LRRTM4: variants seen among roughly 807,000 people sequenced by gnomAD.
LRRTM4 encodes leucine-rich repeat transmembrane neuronal protein 4.
In LRRTM4, 25 loss-of-function variants were observed where a neutral mutation model predicts 47.6. That is an observed-to-expected ratio of 0.53 (90% CI 0.38 to 0.73). The LOEUF (loss-of-function observed/expected upper bound fraction) is 0.73. LRRTM4 is among the 30% of genes least tolerant of loss of function. LRRTM4 has a pLI of 0.00. For synonymous variants in LRRTM4, 311 were observed against 269.5 expected, an observed-to-expected ratio of 1.15 and a Z score of -1.51; for missense variants, 638 against 713.4, an observed-to-expected ratio of 0.89 and a Z score of 1.20.
rs557748550 is a variant in LRRTM4, at chr2:77,140,948, T to C, written c.1551+377370A>G. ...TACCATCTCACACCAGTTAGAATGG[T>C]GATCATTAAAAAGTCAGGAAACAAC... On this transcript the variant is annotated intron_variant, in intron 3 of 3. Coordinates refer to ENST00000409884, the MANE Select transcript of LRRTM4 (RefSeq NM_001134745.3). Among the ~76,000 whole-genome samples the C allele has an allele frequency of 1.6e-3, 245 of 152,152 alleles. 1 individual carries two copies. Among genetic ancestry groups the C allele is most frequent in the African/African-American group, 4.3e-3 (180 of 41,516 alleles).
At chr2:77,159,944 C>G (rs998288123) in intron 3 of LRRTM4, among the ~76,000 whole-genome samples, 72 of 152,252 alleles carry the variant, frequency 4.7e-4, no homozygotes, top group African/African-American at 1.7e-3. Flanking sequence ...TGTGTAATGT[C>G]AATTGTTTTC....
chr2:76,940,880 CTT>C (rs1172495464), intron 3 of LRRTM4, among the ~76,000 whole-genome samples: 1 of 152,128 alleles, frequency 6.6e-6, no homozygotes, highest in Non-Finnish European at 1.5e-5. Flanking sequence ...TCTTCTCTCT[CTT>C]TTCTTTGTTT....
chr2:76,937,962 G>A (rs1675014597), intron 3 of LRRTM4, among the ~76,000 whole-genome samples: 1 of 151,990 alleles, frequency 6.6e-6, no homozygotes, highest in South Asian at 2.1e-4. Flanking sequence ...GGAGCTAAGG[G>A]GAATATAATT....
At chr2:77,401,974 A>T (rs2103838218) in intron 3 of LRRTM4, among the ~76,000 whole-genome samples, 1 of 152,146 alleles carries the variant, frequency 6.6e-6, no homozygotes, top group Admixed American at 6.6e-5. Context: ...GCAATGCTTT[A>T]GGATTGCTTA....
At chr2:77,194,727 A>G (rs779331258) in intron 3 of LRRTM4, among the ~76,000 whole-genome samples, 1 of 151,888 alleles carries the variant, frequency 6.6e-6, no homozygotes, top group Non-Finnish European at 1.5e-5. Flanking sequence ...CCCCTAACCT[A>G]TGGGTAACAG....
At chr2:77,166,391 T>C (rs1672886354) in intron 3 of LRRTM4, among the ~76,000 whole-genome samples, 1 of 152,132 alleles carries the variant, frequency 6.6e-6, no homozygotes, top group African/African-American at 2.4e-5. Flanking sequence ...CCAAGATAAT[T>C]ATAGATTCAA....
intron 3 of LRRTM4, among the ~76,000 whole-genome samples, chr2:77,028,779 T>G (rs1280443050): frequency 2.6e-5 from 4 of 151,834 alleles, no homozygotes; most frequent in African/African-American, 9.7e-5. Context: ...CTCACTCCTG[T>G]AATCCCAGCA....
intron 3 of LRRTM4, among the ~76,000 whole-genome samples, chr2:76,862,622 C>T (rs994510977): frequency 6.6e-6 from 1 of 152,152 alleles, no homozygotes; most frequent in South Asian, 2.1e-4. Context: ...GGGAAAATAT[C>T]TCACACACGC....
chr2:76,821,040 T>C (rs1236145883), intron 3 of LRRTM4, among the ~76,000 whole-genome samples: 1 of 151,738 alleles, frequency 6.6e-6, no homozygotes, highest in Non-Finnish European at 1.5e-5. Context: ...TGCAAGGGTC[T>C]ATATTCCACT....
At chr2:76,846,315 G>A (rs891143428) in intron 3 of LRRTM4, among the ~76,000 whole-genome samples, 9 of 152,122 alleles carry the variant, frequency 5.9e-5, no homozygotes, top group African/African-American at 2.2e-4. Flanking sequence ...AGGTGCCCCA[G>A]GTGTCCTCAC....
chr2:76,785,924 A>G (rs1030994077), intron 3 of LRRTM4, among the ~76,000 whole-genome samples: 5 of 152,170 alleles, frequency 3.3e-5, no homozygotes, highest in Admixed American at 3.3e-4. Context: ...AAAATGAGCC[A>G]TGGGTAGAAA....
At chr2:77,291,852 A>C (rs1676832277) in intron 3 of LRRTM4, among the ~76,000 whole-genome samples, 1 of 152,116 alleles carries the variant, frequency 6.6e-6, no homozygotes, top group South Asian at 2.1e-4. Context: ...ACTGGGATCT[A>C]ATTAAACTAA....
chr2:77,004,495 G>A (rs1677559866), intron 3 of LRRTM4, among the ~76,000 whole-genome samples: 1 of 152,024 alleles, frequency 6.6e-6, no homozygotes. Context: ...CTAGATTTCA[G>A]AGCATGTATG....
At chr2:77,446,302 C>T (rs551834548) in intron 3 of LRRTM4, among the ~76,000 whole-genome samples, 25 of 152,050 alleles carry the variant, frequency 1.6e-4, no homozygotes, top group Non-Finnish European at 3.2e-4. Flanking sequence ...CATCTCTAGT[C>T]TCTTCCCACT....
chr2:77,022,750 G>A (rs1678318849), intron 3 of LRRTM4, among the ~76,000 whole-genome samples: 2 of 152,184 alleles, frequency 1.3e-5, no homozygotes, highest in Non-Finnish European at 2.9e-5. Flanking sequence ...ATGGTCTTGG[G>A]CAGCTCTGCC....
At chr2:77,320,023 G>A (rs1453071777) in intron 3 of LRRTM4, among the ~76,000 whole-genome samples, 1 of 151,834 alleles carries the variant, frequency 6.6e-6, no homozygotes, top group Non-Finnish European at 1.5e-5. Flanking sequence ...TCTAACTGTT[G>A]TTTTTTTTAG....
chr2:77,211,656 G>C (rs1674296751), intron 3 of LRRTM4, among the ~76,000 whole-genome samples: 1 of 152,004 alleles, frequency 6.6e-6, no homozygotes, highest in African/African-American at 2.4e-5. Context: ...GGAAAATATG[G>C]ATAGGTAAAT....
At chr2:76,885,904 T>A (rs1252718746) in intron 3 of LRRTM4, among the ~76,000 whole-genome samples, 3 of 152,126 alleles carry the variant, frequency 2.0e-5, no homozygotes, top group East Asian at 1.9e-4. Flanking sequence ...AAGACATGAA[T>A]CTTTTCAACT....
At chr2:77,453,065 T>G (rs1227925639) in intron 3 of LRRTM4, among the ~76,000 whole-genome samples, 1 of 151,992 alleles carries the variant, frequency 6.6e-6, no homozygotes, top group Admixed American at 6.6e-5. Flanking sequence ...AAGTTATTAC[T>G]GATATTATTT....
Sources: allele counts gnomAD v4.1 joint callset (sites outside exome capture counted in the v4.1 genomes callset), GRCh38; gene constraint gnomAD v4.1.1; transcripts MANE v1.5; gene names NCBI Gene and HGNC (gene_info 2026-07-23, HGNC 2026-07-21).